KALRN: variants seen among roughly 807,000 people sequenced by gnomAD.
KALRN encodes kalirin.
Under a neutral mutation model 353.7 loss-of-function variants are expected in KALRN, and 70 were observed. The ratio of observed to expected loss-of-function variants is 0.20; its 90% CI spans 0.16 to 0.24. KALRN has a LOEUF of 0.24. KALRN is among the 10% of genes least tolerant of loss of function. The pLI is 1.00. For synonymous variants in KALRN, 1,391 were observed against 1,434.8 expected, an observed-to-expected ratio of 0.97 and a Z score of 0.69; for missense variants, 2,791 against 3,756.7, an observed-to-expected ratio of 0.74 and a Z score of 6.72.
chr3:124,661,061 C>A (rs112011637), intron 44 of KALRN, 88 bp downstream of exon 44: 7 of 1,076,218 alleles, frequency 6.5e-6, no homozygotes, highest in Non-Finnish European at 1.0e-5. Flanking sequence ...TCAGGAGGAC[C>A]GTGGATCCAG....
rs1162333099 is a variant in KALRN, at chr3:124,701,912, C to T, written c.7997-126C>T. The T allele has an allele frequency of 1.1e-5, 7 of 645,608 alleles. No homozygotes were observed. In the East Asian group the frequency reaches 1.6e-4, roughly 15 times the overall value. 40.0% of individuals were successfully genotyped at this position (645,608 alleles called of 1,614,324 possible). ...TCCAGAGAATCATGGCATTTTCCCA[C>T]TGAGTCAGACTCCATATTTGGTCAT... On this transcript the variant is annotated intron_variant, in intron 56 of 59. Transcript: ENST00000682506.
chr3:124,136,791 G>A (rs2065969633), intron 1 of KALRN, among the ~76,000 whole-genome samples: 2 of 152,200 alleles, frequency 1.3e-5, no homozygotes, highest in Admixed American at 6.5e-5. Flanking sequence ...TGTGACCTGG[G>A]AAAAGATGGT....
intron 13 of KALRN, among the ~76,000 whole-genome samples, chr3:124,410,453 C>T (rs188325864): frequency 1.3e-5 from 2 of 152,244 alleles, no homozygotes; most frequent in East Asian, 3.9e-4. Flanking sequence ...TGATAAAGAA[C>T]TTACATCTAG....
intron 12 of KALRN, 47 bp downstream of exon 12, chr3:124,395,390 G>A (rs776696830): frequency 4.8e-5 from 71 of 1,487,820 alleles, no homozygotes; most frequent in South Asian, 4.6e-4. Context: ...CGGGCTAGAC[G>A]TGAGATAAGT....
chr3:124,184,454 C>T (rs1245444333), intron 1 of KALRN, among the ~76,000 whole-genome samples: 1 of 152,136 alleles, frequency 6.6e-6, no homozygotes, highest in Non-Finnish European at 1.5e-5. Context: ...AAATTCCCAA[C>T]TCGTTAGCCT....
intron 1 of KALRN, among the ~76,000 whole-genome samples, chr3:124,103,403 G>A (rs1169492873): frequency 6.6e-6 from 1 of 152,152 alleles, no homozygotes; most frequent in Admixed American, 6.5e-5. Flanking sequence ...GAGAACCAAG[G>A]GGCAGTGGGA....
At chr3:124,387,336 C>A (rs1271460266) in intron 11 of KALRN, among the ~76,000 whole-genome samples, 1 of 152,166 alleles carries the variant, frequency 6.6e-6, no homozygotes, top group Non-Finnish European at 1.5e-5. Context: ...ATACAGGGGG[C>A]AGGTGAAGAA....
intron 19 of KALRN, among the ~76,000 whole-genome samples, chr3:124,445,691 T>C (rs1390097077): frequency 6.6e-6 from 1 of 152,184 alleles, no homozygotes; most frequent in African/African-American, 2.4e-5. Context: ...TTGCTCATGA[T>C]GTGGGTTGTC....
rs1448939768 is a variant in KALRN, at chr3:124,286,332, C to T, written c.970-12459C>T. 2.0e-5 allele frequency among the ~76,000 whole-genome samples: 3 copies of T among 151,160 alleles called. No homozygotes were observed. In the East Asian group the frequency reaches 5.8e-4, roughly 29 times the overall value. ...TTCCCTTTTTGTGCTGCAAACTCCG[C>T]CTTCTGGTTTCAAGCAATTCTCCCA... On this transcript the variant is annotated intron_variant, in intron 5 of 59. Coordinates refer to ENST00000682506, the MANE Select transcript of KALRN (RefSeq NM_001388419.1).
chr3:124,300,835 T>C (rs1371740489), intron 6 of KALRN, among the ~76,000 whole-genome samples: 1 of 152,230 alleles, frequency 6.6e-6, no homozygotes, highest in Non-Finnish European at 1.5e-5. Flanking sequence ...CAACACAGTC[T>C]TGTGTCTTCA....
intron 34 of KALRN, among the ~76,000 whole-genome samples, chr3:124,602,571 A>G (rs1471719444): frequency 2.0e-5 from 3 of 152,208 alleles, no homozygotes; most frequent in African/African-American, 7.2e-5. Context: ...TGCCCAGAGG[A>G]CAGAACTACC....
At chr3:124,579,469 A>T (rs2149241616) in intron 34 of KALRN, among the ~76,000 whole-genome samples, 1 of 152,348 alleles carries the variant, frequency 6.6e-6, no homozygotes, top group South Asian at 2.1e-4. Flanking sequence ...CTTATAGCTC[A>T]GGAGCTTTTA....
chr3:124,504,709 C>A (rs1405883417), intron 33 of KALRN: 1 of 389,282 alleles, frequency 2.6e-6, no homozygotes, highest in Non-Finnish European at 5.3e-6. Flanking sequence ...GCCTCTCAAG[C>A]AAATTCTGGT....
intron 47 of KALRN, among the ~76,000 whole-genome samples, chr3:124,670,634 G>A (rs2086298805): frequency 1.3e-5 from 2 of 152,176 alleles, no homozygotes; most frequent in Non-Finnish European, 2.9e-5. Flanking sequence ...TTGTAATTGA[G>A]AAGTTCTCTG....
chr3:124,400,532 G>C (rs2090727914), intron 13 of KALRN, among the ~76,000 whole-genome samples: 1 of 152,102 alleles, frequency 6.6e-6, no homozygotes, highest in Admixed American at 6.5e-5. Flanking sequence ...CAGGATTTCA[G>C]GTGGCAAGTA....
chr3:124,268,150 C>T (rs555266247), intron 4 of KALRN, among the ~76,000 whole-genome samples: 6 of 152,238 alleles, frequency 3.9e-5, no homozygotes, highest in South Asian at 2.1e-4. Context: ...TTCTCCAGTC[C>T]GCTCTCCAGG....
At chr3:124,101,714 C>G (rs2061878563) in intron 1 of KALRN, among the ~76,000 whole-genome samples, 1 of 152,198 alleles carries the variant, frequency 6.6e-6, no homozygotes, top group South Asian at 2.1e-4. Flanking sequence ...TCCTCATCTT[C>G]TATGTCTGAC....
Position 124,236,226 on chromosome 3 carries a change from A to G in KALRN, c.263+1283A>G, listed in dbSNP as rs1214736560. Among the ~76,000 whole-genome samples the G allele has an allele frequency of 2.0e-5, 3 of 152,180 alleles. No homozygotes were observed. The East Asian group carries it at 5.8e-4, about 29-fold the overall frequency. ...AGCTTCAGTAAAAGGGATTTGGGTT[A>G]TATCTGAAGAAGAACTTATAAACTT... On this transcript the variant is annotated intron_variant, in intron 3 of 59. Transcript: ENST00000682506.
At chr3:124,132,757 G>A (rs1200262688) in intron 1 of KALRN, among the ~76,000 whole-genome samples, 7 of 152,092 alleles carry the variant, frequency 4.6e-5, no homozygotes, top group Admixed American at 2.0e-4. Flanking sequence ...TTTTTGCCCC[G>A]TCTCACATTC....
Sources: allele counts gnomAD v4.1 joint callset (sites outside exome capture counted in the v4.1 genomes callset), GRCh38; gene constraint gnomAD v4.1.1; transcripts MANE v1.5; gene names NCBI Gene and HGNC (gene_info 2026-07-23, HGNC 2026-07-21).